Variants in ATP4A observed in about 807,000 individuals in gnomAD.
ATP4A encodes the protein potassium-transporting ATPase alpha chain 1.
ATP4A carries 73 observed loss-of-function variants against 112.1 expected under a neutral mutation model. The observed-to-expected ratio is 0.65, with a 90% confidence interval of 0.54 to 0.79. ATP4A has a LOEUF of 0.79. Ranked by LOEUF, ATP4A falls within the 30% of genes least tolerant of loss-of-function variation. The pLI, the probability that ATP4A is intolerant of heterozygous loss-of-function variation, is 0.00. For missense variants in ATP4A, 1,081 were observed against 1,425.9 expected, an observed-to-expected ratio of 0.76 and a Z score of 3.90; for synonymous variants, 588 against 588.9, an observed-to-expected ratio of 1.00 and a Z score of 0.02.
At position 35,560,085 on chromosome 19, in the gene ATP4A, C is replaced by A; in HGVS notation, c.788-12G>T. The stretch of plus-strand genomic sequence containing the variant: ...GCCCTGCACGGTGCCTGCAGGGGGG[C>A]CAAGGCGCGACTCAGGGATAGGGGG... On this transcript the variant is annotated splice_polypyrimidine_tract_variant and intron_variant, in intron 6 of 21. Coordinates refer to ENST00000262623, the MANE Select transcript of ATP4A (RefSeq NM_000704.3). This position sits in a 1 kb window ranked among gnomAD's most constrained non-coding sequence, Gnocchi z 5.1. The A allele has an allele frequency of 6.2e-7, 1 of 1,612,700 alleles. No homozygotes were observed. Among genetic ancestry groups the A allele is most frequent in the Non-Finnish European group, 8.5e-7 (1 of 1,179,208 alleles).
intron 16 of ATP4A, among the ~76,000 whole-genome samples, chr19:35,554,198 C>T (rs771107698): frequency 1.3e-5 from 2 of 151,496 alleles, no homozygotes; most frequent in African/African-American, 2.4e-5. Context: ...CTCTCAGTGT[C>T]GCCGTGCCCC....
In ATP4A at chr19:35,550,723, G is replaced by T. The variant is rs1233200654; in HGVS notation, c.3080-80C>A. On this transcript the variant is annotated intron_variant, in intron 21 of 21. Coordinates refer to ENST00000262623, the MANE Select transcript of ATP4A (RefSeq NM_000704.3). This position sits in a 1 kb window ranked among gnomAD's most constrained non-coding sequence, Gnocchi z 4.1. ...GCCAGGGGCTCAGAGGTCAGTGCTG[G>T]TTGCTATGGAGGGTCAAGGGCTTAG... 1.9e-6 allele frequency: 3 copies of T among 1,609,468 alleles called. No individual in the cohort carries two copies. Among genetic ancestry groups the T allele is most frequent in the Admixed American group, 1.7e-5 (1 of 59,990 alleles).
At position 35,557,587 on chromosome 19, in the gene ATP4A, G is replaced by T; in HGVS notation, c.1693+68C>A. ...GAGGACGGTCAGGGCTGGGCCGGGA[G>T]TGGTGGGCAGGGTCTGTGCTAGCTC... is the stretch of plus-strand genomic sequence containing the variant. On this transcript the variant is annotated intron_variant, in intron 11 of 21. Transcript: ENST00000262623. This position sits in a 1 kb window ranked among gnomAD's most constrained non-coding sequence, Gnocchi z 4.4. 1 of 1,499,916 alleles carries T rather than the reference G, an allele frequency of 6.7e-7. No homozygotes were observed. The allele number at this position is 1,499,916 out of a possible 1,614,324, so 92.9% of individuals were successfully genotyped here.
chr19:35,551,295 G>T lies in ATP4A; in HGVS notation c.2885+152C>A, dbSNP rs1386705677. ...TGAAATGTGGAGGGGGCCGTGGGGG[G>T]AGTTATTGGCCAGTTAGAAAGGTTT... is the stretch of plus-strand genomic sequence containing the variant. On this transcript the variant is annotated intron_variant, in intron 19 of 21. Coordinates refer to ENST00000262623, the MANE Select transcript of ATP4A (RefSeq NM_000704.3). The surrounding 1 kb of genome is among the most constrained non-coding windows in gnomAD (Gnocchi z 5.2). 1.5e-6 allele frequency: 2 copies of T among 1,313,448 alleles called. No homozygotes were observed. The highest frequency in any genetic ancestry group is 2.1e-6 in the Non-Finnish European group (2 of 951,950). 81.4% of individuals were successfully genotyped at this position (1,313,448 alleles called of 1,614,324 possible). A position where few individuals can be genotyped will look rare whatever the true frequency, so the allele number is the denominator to read the frequency against.
Position 35,560,024 on chromosome 19 carries a change from C to T in ATP4A, c.837G>A (p.Gly279=), listed in dbSNP as rs761949590. 1 of 1,614,230 alleles carries T rather than the reference C, an allele frequency of 6.2e-7. No homozygotes were observed. The highest frequency in any genetic ancestry group is 1.1e-5 in the South Asian group (1 of 91,086). The part of the protein sequence containing the change: ...VVNTGDRTII[G]RIASLASGVE... ...CCCCCGACGCCAGCGATGCGATGCG[C>T]CCAATGATGGTGCGGTCGCCCGTGT... Residue 279 remains glycine, a synonymous_variant, in exon 7 of 22, where the codon GGG becomes GGA. Transcript: ENST00000262623. This position sits in a 1 kb window ranked among gnomAD's most constrained non-coding sequence, Gnocchi z 5.1.
rs143513836 is a variant in ATP4A, at chr19:35,555,491, C to T, written c.2106G>A (p.Ala702=). 2.0e-4 allele frequency: 315 copies of T among 1,610,100 alleles called. No homozygotes were observed. The Middle Eastern group carries it at 2.5e-3, about 13-fold the overall frequency. The change falls in exon 14 of 22, where the codon GCG becomes GCA. Residue 702 remains alanine (A), a synonymous_variant. Coordinates refer to ENST00000262623, the MANE Select transcript of ATP4A (RefSeq NM_000704.3). The surrounding 1 kb of genome is among the most constrained non-coding windows in gnomAD (Gnocchi z 6.6). ...CCAGCTTCTGCTGGGGGCTGGTGCG[C>T]GCAAACACCATCTCGGGGTGGGTGC... ...ALRTHPEMVF[A]RTSPQQKLVI... is the part of the protein sequence containing the mutation.
At position 35,563,361 on chromosome 19, in the gene ATP4A, G is replaced by A. The variant is rs376707493; in HGVS notation, c.156+23C>T. Reference sequence around the variant, plus strand: ...GTTCCCAGCCTACCCTCCAGCTCCCGCCCCTCCCCAGTCAGAGCTCACAAT... The same window carrying A: ...GTTCCCAGCCTACCCTCCAGCTCCCACCCCTCCCCAGTCAGAGCTCACAAT... On this transcript the variant is annotated intron_variant, in intron 2 of 21. Transcript: ENST00000262623. The A allele has an allele frequency of 2.7e-5, 33 of 1,208,338 alleles. 2 individuals are homozygous for A. In the Middle Eastern group the frequency reaches 2.0e-3, roughly 73 times the overall value. 74.9% of individuals were successfully genotyped at this position (1,208,338 alleles called of 1,614,324 possible).
chr19:35,558,520 G>C lies in ATP4A; in HGVS notation c.1366-24C>G. On this transcript the variant is annotated intron_variant, in intron 9 of 21. Transcript: ENST00000262623. This position sits in a 1 kb window ranked among gnomAD's most constrained non-coding sequence, Gnocchi z 5.1. ...CGCTGGGAGCGGGGACCGGTGTCAG[G>C]GGCGAAGCCGGCTACACCAGCCTCC... is the stretch of plus-strand genomic sequence containing the variant. 1 of 1,589,000 alleles carries C rather than the reference G, an allele frequency of 6.3e-7. No homozygotes were observed. Among genetic ancestry groups the C allele is most frequent in the Non-Finnish European group, 8.6e-7 (1 of 1,168,566 alleles).
chr19:35,560,701 T>C lies in ATP4A; in HGVS notation c.535-86A>G. 1 of 1,585,790 alleles carries C rather than the reference T, an allele frequency of 6.3e-7. No homozygotes were observed. On this transcript the variant is annotated intron_variant, in intron 5 of 21. Transcript: ENST00000262623. The surrounding 1 kb of genome is among the most constrained non-coding windows in gnomAD (Gnocchi z 5.1). ...TGGGGAGGTAAAGGATGAGGAGAGC[T>C]GGGACCCATGGGGAGAGATGGAGGC... is the stretch of plus-strand genomic sequence containing the variant.
At chr19:35,561,483 G>A (rs1167705966) in intron 4 of ATP4A, among the ~76,000 whole-genome samples, 3 of 151,834 alleles carry the variant, frequency 2.0e-5, no homozygotes, top group African/African-American at 4.8e-5. Flanking sequence ...TGTGGCCACG[G>A]CCCCCATGTT....
chr19:35,556,855 C>A lies in ATP4A; in HGVS notation c.1869+58G>T, dbSNP rs556573919. 2.6e-4 allele frequency: 404 copies of A among 1,574,302 alleles called. 1 individual carries two copies. The Admixed American group carries it at 7.2e-3, about 28-fold the overall frequency. On this transcript the variant is annotated intron_variant, in intron 12 of 21. Transcript: ENST00000262623. ...GGGTTTGTCATGGGGTTCTTCAACCCAAATCCTGCTGCCATCCTCTGTCCT... is the reference window on the plus strand; with the variant it reads ...GGGTTTGTCATGGGGTTCTTCAACCAAAATCCTGCTGCCATCCTCTGTCCT...
Position 35,557,962 on chromosome 19 carries a change from T to G in ATP4A, c.1501-115A>C. On this transcript the variant is annotated intron_variant, in intron 10 of 21. Coordinates refer to ENST00000262623, the MANE Select transcript of ATP4A (RefSeq NM_000704.3). This position sits in a 1 kb window ranked among gnomAD's most constrained non-coding sequence, Gnocchi z 4.4. ...GGGGCCGAGAGCTCGGTGCGGGCTCTGAGAGCTGCGGGGAAGGGTGAAGGT... is the reference window on the plus strand; with the variant it reads ...GGGGCCGAGAGCTCGGTGCGGGCTCGGAGAGCTGCGGGGAAGGGTGAAGGT... 1 of 872,052 alleles carries G rather than the reference T, an allele frequency of 1.1e-6. No homozygotes were observed. The highest frequency in any genetic ancestry group is 1.7e-6 in the Non-Finnish European group (1 of 593,114). 54.0% of individuals were successfully genotyped at this position (872,052 alleles called of 1,614,324 possible). A position where few individuals can be genotyped will look rare whatever the true frequency, so the allele number is the denominator to read the frequency against.
rs1180536998 is a variant in ATP4A at position 35,557,692 on chromosome 19, G to C, written c.1656C>G (p.Ala552=). ...CGCCCAGGCCTCCCAGGCTGAGGTA[G>C]GCGGTCTGGAAGGCCTCGCGCCACT... ...DEQWREAFQT[A]YLSLGGLGER... The change falls in exon 11 of 22, where the codon GCC becomes GCG. Residue 552 remains alanine, a synonymous_variant. Transcript: ENST00000262623. This position sits in a 1 kb window ranked among gnomAD's most constrained non-coding sequence, Gnocchi z 4.4. 6.2e-7 allele frequency: 1 copy of C among 1,609,820 alleles called. No homozygotes were observed. The highest frequency in any genetic ancestry group is 2.2e-5 in the East Asian group (1 of 44,804).
rs772795833 is a variant in ATP4A, at chr19:35,557,881, G to T, written c.1501-34C>A. The T allele has an allele frequency of 4.5e-5, 53 of 1,175,240 alleles. No individual in the cohort carries two copies. In the East Asian group the frequency reaches 1.4e-3, roughly 30 times the overall value. The allele number at this position is 1,175,240 out of a possible 1,614,324, so 72.8% of individuals were successfully genotyped here. On this transcript the variant is annotated intron_variant, in intron 10 of 21. Transcript: ENST00000262623. This position sits in a 1 kb window ranked among gnomAD's most constrained non-coding sequence, Gnocchi z 4.4. ...GGGGGGGAGAGGCGAGGCTGTGGAC[G>T]GGGGAACGGGGCGGGGCTGTGGACG...
intron 4 of ATP4A, among the ~76,000 whole-genome samples, chr19:35,561,847 CT>C (rs71167554): frequency 0.067 from 6,959 of 103,776 alleles, 264 homozygotes; most frequent in Non-Finnish European, 0.078. Context: ...AGTCCCATCT[CT>C]TTTTTTTTTT....
Position 35,558,011 on chromosome 19 carries a change from G to A in ATP4A, c.1501-164C>T. On this transcript the variant is annotated intron_variant, in intron 10 of 21. Coordinates refer to ENST00000262623, the MANE Select transcript of ATP4A (RefSeq NM_000704.3). This position sits in a 1 kb window ranked among gnomAD's most constrained non-coding sequence, Gnocchi z 5.1. ...GTGGAAGATGGAGGCCTTGTGTGGA[G>A]GGGTCCTTGGTAGAAGGTAAGCGTT... is the stretch of plus-strand genomic sequence containing the variant. The A allele has an allele frequency of 1.5e-6, 1 of 649,712 alleles. No homozygotes were observed. The highest frequency in any genetic ancestry group is 2.6e-6 in the Non-Finnish European group (1 of 386,660). 40.2% of individuals were successfully genotyped at this position (649,712 alleles called of 1,614,324 possible).
Position 35,553,114 on chromosome 19 carries a change from G to A in ATP4A, c.2674C>T (p.Leu892=). 6.2e-7 allele frequency: 1 copy of A among 1,611,434 alleles called. No homozygotes were observed. The highest frequency in any genetic ancestry group is 8.5e-7 in the Non-Finnish European group (1 of 1,177,750). The change falls in exon 18 of 22, where the codon CTG becomes TTG. Residue 892 remains leucine (L), a synonymous_variant. Coordinates refer to ENST00000262623, the MANE Select transcript of ATP4A (RefSeq NM_000704.3). ...TAMAQEGWFP[L]LCVGLRAQWE... is the part of the protein sequence containing the mutation. Reference sequence around the variant, plus strand: ...TGCGCCCGCAGCCCCACGCACAGCAGTGGGAACCAGCCCTCCTGGGCCATT... The same window carrying A: ...TGCGCCCGCAGCCCCACGCACAGCAATGGGAACCAGCCCTCCTGGGCCATT...
chr19:35,554,991 G>A lies in ATP4A; in HGVS notation c.2412C>T (p.Tyr804=). ...NIPELTPYLI[Y]ITVSVPLPLG... Reference sequence around the variant, plus strand: ...GGGGCAGGGGCACGCTGACGGTGATGTAGATGAGGTAGGGTGTCAGCTCTG... The same window carrying A: ...GGGGCAGGGGCACGCTGACGGTGATATAGATGAGGTAGGGTGTCAGCTCTG... Residue 804 remains tyrosine (Y), a synonymous_variant, in exon 16 of 22, where the codon TAC becomes TAT. Coordinates refer to ENST00000262623, the MANE Select transcript of ATP4A (RefSeq NM_000704.3). 6.2e-7 allele frequency: 1 copy of A among 1,614,220 alleles called. No homozygotes were observed. Among genetic ancestry groups the A allele is most frequent in the Non-Finnish European group, 8.5e-7 (1 of 1,180,046 alleles).
Position 35,558,376 on chromosome 19 carries a change from T to C in ATP4A, c.1486A>G (p.Thr496Ala). The change falls in exon 10 of 22, where the codon ACC becomes GCC. Residue 496 changes from threonine to alanine, a missense_variant. Physicochemically the swap from Thr to Ala is moderately conservative, Grantham distance 58 (BLOSUM62 0). This residue lies in a region of ATP4A where 850 missense variants were observed against 1,068.2 expected (regional missense o/e 0.80). Transcript: ENST00000262623. This position sits in a 1 kb window ranked among gnomAD's most constrained non-coding sequence, Gnocchi z 5.1. ...PKVCEIPFNSTNKFQLSIHTL... is the reference protein window; with the variant it reads ...PKVCEIPFNSANKFQLSIHTL... ...CGGCTGCGCACCTGGAACTTGTTGG[T>C]GGAGTTGAAGGGTATCTCGCAGACT... 1 of 1,610,886 alleles carries C rather than the reference T, an allele frequency of 6.2e-7. No individual in the cohort carries two copies. Among genetic ancestry groups the C allele is most frequent in the Non-Finnish European group, 8.5e-7 (1 of 1,178,772 alleles).
Sources: gnomAD v4.1 joint callset for allele counts (sites outside exome capture counted in the v4.1 genomes callset) on GRCh38, gnomAD v4.1.1 for gene constraint, gnomAD v4.1.1 regional missense constraint, Gnocchi (gnomAD v3.1) non-coding constraint, MANE v1.5 for transcripts, NCBI Gene and HGNC (gene_info 2026-07-23, HGNC 2026-07-21) for gene names.